The following GRM7 variants were observed in gnomAD, a reference collection of about 807,000 sequenced individuals.
GRM7 encodes the protein glutamate metabotropic receptor 7.
A neutral mutation model predicts 84.5 loss-of-function variants in GRM7; 35 were observed. That is an observed-to-expected ratio of 0.41 (90% confidence interval 0.32 to 0.55). GRM7 has a LOEUF of 0.55. Ranked by LOEUF, GRM7 falls within the 20% of genes least tolerant of loss-of-function variation. The probability of loss-of-function intolerance (pLI) is 0.19; values close to 1 mark genes in which losing one functional copy is unlikely to be tolerated. For synonymous variants in GRM7, 487 were observed against 455.1 expected, an observed-to-expected ratio of 1.07 and a Z score of -0.89; for missense variants, 1,003 against 1,194.6, an observed-to-expected ratio of 0.84 and a Z score of 2.36.
intron 4 of GRM7, among the ~76,000 whole-genome samples, chr3:7,401,929 T>C (rs1286439749): frequency 6.6e-6 from 1 of 152,168 alleles, no homozygotes; most frequent in African/African-American, 2.4e-5. Flanking sequence ...GTTGATTTAT[T>C]ATAAGAATAA....
At chr3:7,644,558 A>G (rs1010407265) in intron 8 of GRM7, among the ~76,000 whole-genome samples, 18 of 152,190 alleles carry the variant, frequency 1.2e-4, no homozygotes, top group Non-Finnish European at 1.0e-4. Flanking sequence ...TGAGGAAAAA[A>G]TGTTATTCCT....
chr3:7,450,102 G>A (rs1022149166), intron 5 of GRM7, among the ~76,000 whole-genome samples: 1 of 88,696 alleles, frequency 1.1e-5, no homozygotes, highest in Non-Finnish European at 2.2e-5. Flanking sequence ...GAAGAGAATG[G>A]CCAATAACTT....
chr3:6,997,535 A>G (rs1179358647), intron 1 of GRM7, among the ~76,000 whole-genome samples: 1 of 152,176 alleles, frequency 6.6e-6, no homozygotes, highest in African/African-American at 2.4e-5. Context: ...ACTCACTATC[A>G]TGAGAATAGC....
At chr3:6,884,252 G>A (rs567411256) in intron 1 of GRM7, 21 of 152,720 alleles carry the variant, frequency 1.4e-4, no homozygotes, top group African/African-American at 4.6e-4. Flanking sequence ...GCAGTGAGAT[G>A]TTATCATGTT....
At chr3:6,994,919 C>T (rs980454740) in intron 1 of GRM7, among the ~76,000 whole-genome samples, 3 of 152,114 alleles carry the variant, frequency 2.0e-5, no homozygotes, top group Non-Finnish European at 4.4e-5. Context: ...ACAGCTATTT[C>T]CAGTTCTTCA....
intron 2 of GRM7, among the ~76,000 whole-genome samples, chr3:7,280,568 C>G (rs556540315): frequency 9.2e-5 from 14 of 152,232 alleles, no homozygotes; most frequent in African/African-American, 2.9e-4. Flanking sequence ...ACAGTGCTAC[C>G]TATTTCATAG....
rs748476058 is a variant in GRM7 at position 6,861,737 on chromosome 3, G to C, written c.349G>C (p.Glu117Gln). 2 of 1,614,112 alleles carry C rather than the reference G, an allele frequency of 1.2e-6. No individual in the cohort carries two copies. The highest frequency in any genetic ancestry group is 1.7e-5 in the Admixed American group (1 of 60,018). ...DTCSRDTYAL[E>Q]QSLTFVQALI... is the part of the protein sequence containing the mutation. The stretch of plus-strand genomic sequence containing the variant: ...TTGTTCCAGGGACACTTACGCGCTC[G>C]AACAGTCGCTTACTTTCGTCCAGGC... Residue 117 changes from glutamate to glutamine, a missense_variant, in exon 1 of 10, where the codon GAA becomes CAA. Glu to Gln is a conservative substitution (Grantham distance 29, BLOSUM62 2). Around this residue, in one of 2 missense-constraint regions of GRM7, gnomAD observed 910 missense variants for 1,126.0 expected, o/e 0.81. Coordinates refer to ENST00000357716, the MANE Select transcript of GRM7 (RefSeq NM_000844.4). This position sits in a 1 kb window ranked among gnomAD's most constrained non-coding sequence, Gnocchi z 6.4.
chr3:6,986,370 T>C (rs1458374291), intron 1 of GRM7, among the ~76,000 whole-genome samples: 1 of 151,946 alleles, frequency 6.6e-6, no homozygotes, highest in African/African-American at 2.4e-5. Flanking sequence ...GTGTTTTTGG[T>C]ATATCAATTA....
At chr3:7,659,389 A>C in intron 8 of GRM7, among the ~76,000 whole-genome samples, 1 of 152,124 alleles carries the variant, frequency 6.6e-6, no homozygotes, top group East Asian at 1.9e-4. Flanking sequence ...CCATTGGATT[A>C]ATCTAGTAGG....
At chr3:7,506,243 C>T (rs1053785010) in intron 7 of GRM7, among the ~76,000 whole-genome samples, 12 of 152,126 alleles carry the variant, frequency 7.9e-5, no homozygotes, top group Non-Finnish European at 1.8e-4. Context: ...CCTCCTTTCT[C>T]ATTTCCATCT....
chr3:7,236,949 T>C (rs1332711652), intron 2 of GRM7, among the ~76,000 whole-genome samples: 3 of 152,190 alleles, frequency 2.0e-5, no homozygotes, highest in Non-Finnish European at 4.4e-5. Context: ...ACTCGTTCTT[T>C]CTCAGCCATC....
intron 2 of GRM7, among the ~76,000 whole-genome samples, chr3:7,218,170 T>C (rs111803675): frequency 2.6e-5 from 4 of 152,236 alleles, no homozygotes; most frequent in African/African-American, 9.6e-5. Flanking sequence ...GAAGTTCCAT[T>C]GTTGATTAAA....
In GRM7 at chr3:7,630,149, G is replaced by C. The variant is rs188336932; in HGVS notation, c.2452-49900G>C. On this transcript the variant is annotated intron_variant, in intron 8 of 9. Coordinates refer to ENST00000357716, the MANE Select transcript of GRM7 (RefSeq NM_000844.4). ...TATATTTTTTATTAAAACTTCAGAT[G>C]ACAAGAATGATTTCCAAGCTCAAGG... 2.6e-3 allele frequency among the ~76,000 whole-genome samples: 398 copies of C among 152,272 alleles called. 1 individual carries two copies. Among genetic ancestry groups the C allele is most frequent in the African/African-American group, 7.9e-3 (330 of 41,570 alleles).
rs529599312 is a variant in GRM7 at position 7,498,771 on chromosome 3, G to T, written c.1515+37049G>T. Among the ~76,000 whole-genome samples, 5 of 152,102 alleles carry T rather than the reference G, an allele frequency of 3.3e-5. No homozygotes were observed. The South Asian group carries it at 8.3e-4, about 25-fold the overall frequency. On this transcript the variant is annotated intron_variant, in intron 7 of 9. Coordinates refer to ENST00000357716, the MANE Select transcript of GRM7 (RefSeq NM_000844.4). ...TCCTTTTAGCTATAAGAAGTTTTTT[G>T]CCCCATATAAAAATGTATATAAAAT...
At chr3:7,327,896 G>T (rs1274828508) in intron 4 of GRM7, among the ~76,000 whole-genome samples, 1 of 152,190 alleles carries the variant, frequency 6.6e-6, no homozygotes, top group Non-Finnish European at 1.5e-5. Flanking sequence ...TCTAAATAAT[G>T]TATCAGAACA....
chr3:7,580,315 T>G (rs1169023985), intron 8 of GRM7, among the ~76,000 whole-genome samples: 1 of 152,228 alleles, frequency 6.6e-6, no homozygotes, highest in Non-Finnish European at 1.5e-5. Context: ...ACTGACATAC[T>G]CTGCAAAGAG....
chr3:7,396,387 C>A (rs549849588), intron 4 of GRM7, among the ~76,000 whole-genome samples: 1 of 152,146 alleles, frequency 6.6e-6, no homozygotes, highest in East Asian at 1.9e-4. Context: ...ATTTTTACTT[C>A]CTTTTTAAGA....
At chr3:6,958,289 G>A (rs1175076470) in intron 1 of GRM7, among the ~76,000 whole-genome samples, 1 of 150,554 alleles carries the variant, frequency 6.6e-6, no homozygotes, top group Non-Finnish European at 1.5e-5. Context: ...ATAATGGTTT[G>A]AGATACATCT....
intron 8 of GRM7, among the ~76,000 whole-genome samples, chr3:7,582,856 T>C (rs1344521465): frequency 6.6e-6 from 1 of 152,126 alleles, no homozygotes; most frequent in Non-Finnish European, 1.5e-5. Context: ...TATAATCCCA[T>C]ACTGCTTCAA....
Sources: gnomAD v4.1 joint callset for allele counts (sites outside exome capture counted in the v4.1 genomes callset) on GRCh38, gnomAD v4.1.1 for gene constraint, gnomAD v4.1.1 regional missense constraint, Gnocchi (gnomAD v3.1) non-coding constraint, MANE v1.5 for transcripts, NCBI Gene and HGNC (gene_info 2026-07-23, HGNC 2026-07-21) for gene names.